Variants in PBRM1 observed in about 807,000 individuals in gnomAD.
PBRM1 encodes the protein protein polybromo-1.
In PBRM1, 27 loss-of-function variants were observed where a neutral mutation model predicts 194.5. The ratio of observed to expected loss-of-function variants is 0.14; its 90% CI spans 0.10 to 0.19. The LOEUF is 0.19. Among genes scored for constraint, PBRM1 ranks in the 10% least tolerant of loss-of-function variants. PBRM1 has a pLI of 1.00. For missense variants in PBRM1, 1,466 were observed against 2,077.2 expected (o/e 0.71, Z 5.72); for synonymous variants, 655 against 693.2 (o/e 0.94, Z 0.87).
intron 11 of PBRM1, among the ~76,000 whole-genome samples, chr3:52,630,152 C>T (rs78506463): frequency 0.035 from 5,315 of 151,378 alleles, 129 homozygotes; most frequent in Middle Eastern, 0.059. Context: ...CAAATGACAA[C>T]GAATAATAAA....
At position 52,609,491 on chromosome 3, in the gene PBRM1, C is replaced by T; in HGVS notation, c.2389G>A (p.Gly797Arg). 4 of 1,613,834 alleles carry T rather than the reference C, an allele frequency of 2.5e-6. No individual in the cohort carries two copies. The highest frequency in any genetic ancestry group is 3.4e-6 in the Non-Finnish European group (4 of 1,179,718). The change falls in exon 16 of 30, where the codon GGA becomes AGA. Residue 797 changes from glycine to arginine, a missense_variant. This residue lies in a region of PBRM1 where 687 missense variants were observed against 946.2 expected (regional missense o/e 0.73). Coordinates refer to ENST00000296302, the Ensembl canonical transcript of PBRM1. This position sits in a 1 kb window ranked among gnomAD's most constrained non-coding sequence, Gnocchi z 4.1. ...GCTAAAGAATCGCTGTAGCATCTTC[C>T]CTCATCATCCTGATGACTCATGACT...
At chr3:52,623,019 T>C (rs2153543226) in intron 13 of PBRM1, among the ~76,000 whole-genome samples, 1 of 152,290 alleles carries the variant, frequency 6.6e-6, no homozygotes, top group South Asian at 2.1e-4. Context: ...ATGTAAAAAC[T>C]GAGGCTTAGA....
chr3:52,663,976 C>T (rs1268665687), intron 3 of PBRM1, among the ~76,000 whole-genome samples: 2 of 151,120 alleles, frequency 1.3e-5, no homozygotes, highest in African/African-American at 2.4e-5. Flanking sequence ...AGGAGAATGG[C>T]GTGAACCGGG....
chr3:52,669,550 A>C (rs1257138102), intron 2 of PBRM1, among the ~76,000 whole-genome samples: 1 of 152,266 alleles, frequency 6.6e-6, no homozygotes, highest in East Asian at 1.9e-4. Context: ...ATTCTCCCAC[A>C]GGGGTAGGTA....
intron 16 of PBRM1, among the ~76,000 whole-genome samples, chr3:52,606,259 T>C (rs1401446282): frequency 6.7e-6 from 1 of 149,882 alleles, no homozygotes; most frequent in Non-Finnish European, 1.5e-5. Context: ...TCCTCCCACC[T>C]TGGGCTCCAA....
At chr3:52,677,537 C>G (rs1057085426) in intron 2 of PBRM1, among the ~76,000 whole-genome samples, 13 of 151,960 alleles carry the variant, frequency 8.6e-5, no homozygotes, top group African/African-American at 2.9e-4. Context: ...CTCAGTCTCC[C>G]AAGTAGCTGG....
At chr3:52,553,811 G>A (rs1240533802) in intron 27 of PBRM1, among the ~76,000 whole-genome samples, 1 of 151,892 alleles carries the variant, frequency 6.6e-6, no homozygotes, top group Admixed American at 6.6e-5. Context: ...ACAGGTGCCC[G>A]CCACCACGCC....
At chr3:52,564,141 T>G in exon 23 of PBRM1, 1 of 1,613,706 alleles carries the variant, frequency 6.2e-7, no homozygotes, top group East Asian at 2.2e-5. Flanking sequence ...TCGCTCTCAT[T>G]GTAGCGGCTC....
At chr3:52,677,428 T>C (rs2097130311) in intron 2 of PBRM1, among the ~76,000 whole-genome samples, 1 of 139,904 alleles carries the variant, frequency 7.1e-6, no homozygotes. Context: ...TTTTTTTTTT[T>C]TGAGATGGAG....
At chr3:52,592,058 C>T (rs1576325939) in intron 17 of PBRM1, among the ~76,000 whole-genome samples, 1 of 151,152 alleles carries the variant, frequency 6.6e-6, no homozygotes, top group Non-Finnish European at 1.5e-5. Context: ...AACTCCTGAC[C>T]TTGTGATCCA....
intron 10 of PBRM1, among the ~76,000 whole-genome samples, chr3:52,636,203 G>A (rs1293274743): frequency 6.6e-6 from 1 of 152,070 alleles, no homozygotes; most frequent in Non-Finnish European, 1.5e-5. Flanking sequence ...ACATGATTTA[G>A]CCTTAAATCT....
intron 6 of PBRM1, among the ~76,000 whole-genome samples, chr3:52,649,030 G>A (rs1484783500): frequency 1.3e-5 from 2 of 152,232 alleles, no homozygotes; most frequent in South Asian, 2.1e-4. Context: ...CATGACTAAT[G>A]GTAAGTACAT....
At chr3:52,594,984 T>A (rs1413418699) in intron 17 of PBRM1, among the ~76,000 whole-genome samples, 3 of 152,212 alleles carry the variant, frequency 2.0e-5, no homozygotes, top group African/African-American at 7.2e-5. Flanking sequence ...CTGTCATTTT[T>A]TTCTTTCATT....
chr3:52,558,622 G>A (rs2082725873), intron 25 of PBRM1, among the ~76,000 whole-genome samples: 1 of 152,160 alleles, frequency 6.6e-6, no homozygotes, highest in African/African-American at 2.4e-5. Flanking sequence ...TTGAGAACTG[G>A]TCTGCAAAGA....
At chr3:52,681,568 A>G (rs1281597536), upstream of PBRM1, 9 of 194,528 alleles carry the variant, frequency 4.6e-5, no homozygotes, top group Non-Finnish European at 8.8e-5. Context: ...TGACAAAGAC[A>G]CAAGTGAATT....
chr3:52,675,508 T>A (rs1345228159), intron 2 of PBRM1, among the ~76,000 whole-genome samples: 1 of 152,258 alleles, frequency 6.6e-6, no homozygotes, highest in Non-Finnish European at 1.5e-5. Flanking sequence ...AAGGATTATA[T>A]ACCATAACCA....
exon 11 of PBRM1, chr3:52,634,685 T>G (rs140652006): frequency 1.2e-6 from 2 of 1,613,690 alleles, no homozygotes; most frequent in Non-Finnish European, 1.7e-6. Context: ...GGTAAAAAGG[T>G]TCAGCTATTA....
At position 52,658,322 on chromosome 3, in the gene PBRM1, A is replaced by G; in HGVS notation, c.529-7T>C. The stretch of plus-strand genomic sequence containing the variant: ...TCAAGTAAGCTGGAGAAGACTGGTA[A>G]TGTGGAGAAAAAAGTACTTTCTAAG... On this transcript the variant is annotated splice_region_variant and splice_polypyrimidine_tract_variant and intron_variant, in intron 4 of 29. Transcript: ENST00000296302. The G allele has an allele frequency of 1.4e-6, 2 of 1,481,312 alleles. No individual in the cohort carries two copies. Among genetic ancestry groups the G allele is most frequent in the Non-Finnish European group, 9.4e-7 (1 of 1,060,902 alleles). 91.8% of individuals were successfully genotyped at this position (1,481,312 alleles called of 1,614,324 possible).
chr3:52,651,628 G>A (rs1249498798), intron 6 of PBRM1, 114 bp downstream of exon 7: 3 of 499,108 alleles, frequency 6.0e-6, no homozygotes, highest in Non-Finnish European at 1.1e-5. Flanking sequence ...TACATGATTT[G>A]CTAATAACCC....
Sources: gnomAD v4.1 joint callset for allele counts (sites outside exome capture counted in the v4.1 genomes callset) on GRCh38, gnomAD v4.1.1 for gene constraint, gnomAD v4.1.1 regional missense constraint, Gnocchi (gnomAD v3.1) non-coding constraint, MANE v1.5 for transcripts, NCBI Gene and HGNC (gene_info 2026-07-23, HGNC 2026-07-21) for gene names.